RGS5: variants seen among roughly 807,000 people sequenced by gnomAD.
The protein encoded by RGS5 is regulator of G protein signaling 5.
A neutral mutation model predicts 18.9 loss-of-function variants in RGS5; 20 were observed. That is an observed-to-expected ratio of 1.06 (90% CI 0.74 to 1.54). The LOEUF (loss-of-function observed/expected upper bound fraction) is 1.54. RGS5 is among the 40% of genes most tolerant of loss of function. The pLI is 0.00. For missense variants in RGS5, 201 were observed against 211.8 expected (o/e 0.95, Z 0.32); for synonymous variants, 57 against 76.2 (o/e 0.75, Z 1.31).
At chr1:163,226,360 G>A (rs1647335623) in intron 2 of RGS5, among the ~76,000 whole-genome samples, 1 of 152,186 alleles carries the variant, frequency 6.6e-6, no homozygotes, top group Admixed American at 6.5e-5. Flanking sequence ...ACTGCAGGAA[G>A]CAGCTACCAC....
chr1:163,209,681 CTTA>C (rs1406287498), intron 1 of RGS5, among the ~76,000 whole-genome samples: 2 of 152,038 alleles, frequency 1.3e-5, no homozygotes, highest in African/African-American at 2.4e-5. Context: ...TAATTAATTT[CTTA>C]TTAAGTGTAT....
chr1:163,159,578 C>T (rs909981154), intron 3 of RGS5, among the ~76,000 whole-genome samples: 1 of 152,146 alleles, frequency 6.6e-6, no homozygotes, highest in African/African-American at 2.4e-5. Context: ...TGTGAGGTCT[C>T]CATACCATAA....
intron 2 of RGS5, among the ~76,000 whole-genome samples, chr1:163,235,570 T>C (rs935402012): frequency 6.6e-6 from 1 of 152,180 alleles, no homozygotes; most frequent in South Asian, 2.1e-4. Context: ...TCTTCTCATC[T>C]CTTATTTTTC....
intron 1 of RGS5, among the ~76,000 whole-genome samples, chr1:163,197,990 T>C (rs545394922): frequency 9.3e-4 from 142 of 152,262 alleles, no homozygotes; most frequent in African/African-American, 3.3e-3. Context: ...CCCAGGAACC[T>C]TGACTCACTC....
rs1656986843 is a variant in RGS5, at chr1:163,143,071, T to C, written c.*4271A>G. ...TCTCAGTTGGAAGAGTTGATCTTTT[T>C]AGTTTTGGGATGTGTAAGTGATGCT... On this transcript the variant is annotated 3_prime_UTR_variant, in exon 5 of 5. Transcript: ENST00000313961. 6.6e-6 allele frequency: 1 copy of C among 152,212 alleles called. No individual in the cohort carries two copies. 9.4% of individuals were successfully genotyped at this position (152,212 alleles called of 1,614,324 possible).
chr1:163,231,288 C>A (rs1174290609), intron 2 of RGS5, among the ~76,000 whole-genome samples: 1 of 152,058 alleles, frequency 6.6e-6, no homozygotes, highest in African/African-American at 2.4e-5. Flanking sequence ...TAGAGCTGCA[C>A]AAAACCCATG....
chr1:163,248,545 G>A (rs1648014567), intron 2 of RGS5: 1 of 151,972 alleles, frequency 6.6e-6, no homozygotes, highest in Admixed American at 6.6e-5. Context: ...TCCTTGTTCT[G>A]GGCACTGATC....
intron 1 of RGS5, among the ~76,000 whole-genome samples, chr1:163,186,880 C>T (rs945133972): frequency 2.0e-5 from 3 of 152,126 alleles, no homozygotes; most frequent in African/African-American, 4.8e-5. Flanking sequence ...AATCACACCC[C>T]GTATGTGGAG....
At chr1:163,180,764 G>A (rs538245074) in intron 1 of RGS5, among the ~76,000 whole-genome samples, 1 of 128,110 alleles carries the variant, frequency 7.8e-6, no homozygotes, top group Non-Finnish European at 1.6e-5. Context: ...GTGTAATCTC[G>A]TCTCACTGCA....
At chr1:163,254,597 T>C (rs1385242814) in intron 2 of RGS5, among the ~76,000 whole-genome samples, 1 of 152,202 alleles carries the variant, frequency 6.6e-6, no homozygotes, top group Non-Finnish European at 1.5e-5. Flanking sequence ...TTTTGTAGGT[T>C]GCCTGTTCAC....
intron 1 of RGS5, among the ~76,000 whole-genome samples, chr1:163,210,407 C>T (rs1660076952): frequency 6.6e-6 from 1 of 152,126 alleles, no homozygotes; most frequent in Admixed American, 6.5e-5. Context: ...TTTTCAATAA[C>T]TGTTCTTGTT....
chr1:163,281,231 TC>T (rs1648983214), intron 2 of RGS5, among the ~76,000 whole-genome samples: 1 of 152,196 alleles, frequency 6.6e-6, no homozygotes, highest in African/African-American at 2.4e-5. Context: ...TAAACCTCTT[TC>T]TTTTGTAAAT....
In RGS5 at chr1:163,208,214, G is replaced by A. The variant is rs942932301; in HGVS notation, c.69+9312C>T. Among the ~76,000 whole-genome samples the A allele has an allele frequency of 1.5e-4, 23 of 151,160 alleles. 1 individual carries two copies. Among genetic ancestry groups the A allele is most frequent in the South Asian group, 2.1e-4 (1 of 4,770 alleles). ...ATACAAAAAATTAGCCGGGCGTGGT[G>A]GCGGGCGCCTGTAGTTCCAGCTACT... On this transcript the variant is annotated intron_variant, in intron 1 of 5. Transcript: ENST00000367903.
chr1:163,182,819 G>A (rs938483612), intron 1 of RGS5, among the ~76,000 whole-genome samples: 8 of 152,146 alleles, frequency 5.3e-5, no homozygotes, highest in African/African-American at 1.9e-4. Flanking sequence ...GTCTTTGAGT[G>A]TCTCCATGTC....
chr1:163,220,183 A>G (rs768356115), upstream of RGS5, among the ~76,000 whole-genome samples: 2 of 152,190 alleles, frequency 1.3e-5, no homozygotes, highest in African/African-American at 2.4e-5. Flanking sequence ...ATATGTACAT[A>G]TTGACCATTT....
intron 2 of RGS5, among the ~76,000 whole-genome samples, chr1:163,242,783 T>C (rs1437875215): frequency 6.6e-6 from 1 of 152,146 alleles, no homozygotes; most frequent in African/African-American, 2.4e-5. Flanking sequence ...GGCTGAGGAA[T>C]TTAGGCTTCA....
upstream of RGS5, among the ~76,000 whole-genome samples, chr1:163,219,152 A>C (rs1660279876): frequency 6.6e-6 from 1 of 152,136 alleles, no homozygotes; most frequent in Admixed American, 6.6e-5. Context: ...AAGTATTACA[A>C]GTGGAGAGCT....
intron 1 of RGS5, among the ~76,000 whole-genome samples, chr1:163,309,759 G>A (rs1202031437): frequency 6.6e-6 from 1 of 152,142 alleles, no homozygotes; most frequent in Non-Finnish European, 1.5e-5. Context: ...ATGGCATCTA[G>A]AATGGTGAAT....
Position 163,168,283 on chromosome 1 carries a change from G to A in RGS5, c.130C>T (p.Pro44Ser), listed in dbSNP as rs759477959. The A allele has an allele frequency of 1.9e-5, 30 of 1,613,618 alleles. No homozygotes were observed. The highest frequency in any genetic ancestry group is 2.5e-5 in the Non-Finnish European group (30 of 1,179,652). ...TTCTGGGTCTTGGCTGGTTTCTCTG[G>A]CTTCTCATTGTACGGAATGACAAGG... ...GDLVIPYNEK[P>S]EKPAKTQKTS... The change falls in exon 2 of 5, where the codon CCA becomes TCA. Residue 44 changes from proline (P) to serine (S), a missense_variant. Physicochemically the swap from Pro to Ser is moderately conservative, Grantham distance 74 (BLOSUM62 -1). Transcript: ENST00000313961.
Sources: allele counts gnomAD v4.1 joint callset (sites outside exome capture counted in the v4.1 genomes callset), GRCh38; gene constraint gnomAD v4.1.1; transcripts MANE v1.5; gene names NCBI Gene and HGNC (gene_info 2026-07-23, HGNC 2026-07-21).